Variants in PDK1 observed in about 807,000 individuals in gnomAD.
PDK1 encodes the protein pyruvate dehydrogenase kinase 1.
In PDK1, 39 loss-of-function variants were observed where a neutral mutation model predicts 54.2. The ratio of observed to expected loss-of-function variants is 0.72; its 90% CI spans 0.56 to 0.94. The LOEUF (loss-of-function observed/expected upper bound fraction) is 0.94, where lower values mean the gene tolerates loss of function less well. Ranked by LOEUF, PDK1 falls within the 40% of genes least tolerant of loss-of-function variation. PDK1 has a pLI of 0.00. For synonymous variants in PDK1, 221 were observed against 207.1 expected, an observed-to-expected ratio of 1.07 and a Z score of -0.58; for missense variants, 552 against 566.0, an observed-to-expected ratio of 0.98 and a Z score of 0.25.
chr2:172,613,016 C>G (rs925373319), downstream of PDK1, among the ~76,000 whole-genome samples: 3 of 152,180 alleles, frequency 2.0e-5, no homozygotes, highest in African/African-American at 7.2e-5. Context: ...TTTGGGTACT[C>G]TGGGAAGCAG....
At chr2:172,566,712 AGCAGACTTTC>A in intron 5 of PDK1, 134 bp from the exon 6 acceptor site, 1 of 473,074 alleles carries the variant, frequency 2.1e-6, no homozygotes. Context: ...AAAAAAAAAA[AGCAGACTTTC>A]ACCAAACTAT....
At chr2:172,614,324 C>T in the PDK1 span, among the ~76,000 whole-genome samples, 10 of 152,186 alleles carry the variant, frequency 6.6e-5, no homozygotes, top group African/African-American at 2.4e-4. Flanking sequence ...GCCAGTCCCT[C>T]CAACAGGAGT....
chr2:172,656,851 T>C, the PDK1 span, among the ~76,000 whole-genome samples: 7 of 152,138 alleles, frequency 4.6e-5, no homozygotes, highest in African/African-American at 1.7e-4. Context: ...CACCCACACA[T>C]GAGGGGAAGT....
chr2:172,584,623 A>G (rs1690105511), intron 8 of PDK1, among the ~76,000 whole-genome samples: 2 of 134,510 alleles, frequency 1.5e-5, no homozygotes, highest in African/African-American at 5.5e-5. Context: ...TGGAAGTGAC[A>G]TTGTTGTGTG....
At chr2:172,563,846 A>G (rs1208214322) in intron 3 of PDK1, among the ~76,000 whole-genome samples, 3 of 152,102 alleles carry the variant, frequency 2.0e-5, no homozygotes, top group Non-Finnish European at 4.4e-5. Flanking sequence ...AAAAAAAAAA[A>G]GACTTATTTT....
chr2:172,556,306 C>T lies in PDK1; in HGVS notation c.156C>T (p.Phe52=). The T allele has an allele frequency of 6.7e-7, 1 of 1,503,448 alleles. No homozygotes were observed. Among genetic ancestry groups the T allele is most frequent in the Non-Finnish European group, 8.8e-7 (1 of 1,133,024 alleles). 93.1% of individuals were successfully genotyped at this position (1,503,448 alleles called of 1,614,324 possible). A position where few individuals can be genotyped will look rare whatever the true frequency, so the allele number is the denominator to read the frequency against. The change falls in exon 1 of 11, where the codon TTC becomes TTT. Residue 52 remains phenylalanine, a synonymous_variant. Coordinates refer to ENST00000282077, the MANE Select transcript of PDK1 (RefSeq NM_002610.5). ...VPGQVDFYAR[F]SPSPLSMKQF... is the part of the protein sequence containing the mutation. The stretch of plus-strand genomic sequence containing the variant: ...GCCAGGTGGACTTCTACGCGCGCTT[C>T]TCGCCGTCCCCGCTCTCCATGAAGC...
the PDK1 span, among the ~76,000 whole-genome samples, chr2:172,635,838 G>A: frequency 6.6e-6 from 1 of 152,158 alleles, no homozygotes; most frequent in South Asian, 2.1e-4. Flanking sequence ...GGCTGTCACT[G>A]GTCAACCAGG....
the PDK1 span, among the ~76,000 whole-genome samples, chr2:172,631,313 G>T: frequency 6.6e-6 from 1 of 152,210 alleles, no homozygotes; most frequent in African/African-American, 2.4e-5. Flanking sequence ...TGTACTGATT[G>T]TTGTGTTGTT....
chr2:172,570,691 A>T (rs1483648794), intron 7 of PDK1, 35 bp from the exon 8 acceptor site: 2 of 1,228,442 alleles, frequency 1.6e-6, no homozygotes, highest in Non-Finnish European at 2.4e-6. Context: ...TTTTCTAAAA[A>T]GCTGTATTTT....
upstream of PDK1, chr2:172,555,451 C>G (rs924641440): frequency 2.0e-5 from 3 of 152,206 alleles, no homozygotes; most frequent in Non-Finnish European, 4.4e-5. Context: ...AGAGCCAGTA[C>G]ATGGCAGTAC....
the PDK1 span, among the ~76,000 whole-genome samples, chr2:172,716,470 A>C: frequency 6.6e-6 from 1 of 151,996 alleles, no homozygotes; most frequent in Non-Finnish European, 1.5e-5. Context: ...GATTACAGGC[A>C]CGTGCCACCA....
chr2:172,616,623 T>C, the PDK1 span, among the ~76,000 whole-genome samples: 4 of 152,206 alleles, frequency 2.6e-5, no homozygotes, highest in Non-Finnish European at 5.9e-5. Flanking sequence ...TTCATTCAAA[T>C]TGAAGGTTTT....
chr2:172,586,370 C>T lies in PDK1; in HGVS notation c.1038C>T (p.Thr346=), dbSNP rs2149276052. 1 of 1,603,840 alleles carries T rather than the reference C, an allele frequency of 6.2e-7. No individual in the cohort carries two copies. The highest frequency in any genetic ancestry group is 8.5e-7 in the Non-Finnish European group (1 of 1,170,952). The part of the protein sequence containing the change: ...YSTAPRPRVE[T]SRAVPLAGFG... ...CTGCACCAAGACCTCGTGTTGAGAC[C>T]TCCCGCGCAGTGCCTCTGGTATGTT... is the stretch of plus-strand genomic sequence containing the variant. The change falls in exon 9 of 11, where the codon ACC becomes ACT. Residue 346 remains threonine (T), a synonymous_variant. Transcript: ENST00000282077.
chr2:172,660,251 T>TC, the PDK1 span, among the ~76,000 whole-genome samples: 1 of 116,710 alleles, frequency 8.6e-6, no homozygotes, highest in Non-Finnish European at 1.8e-5. Context: ...CTCTCTCTTT[T>TC]TTTTTTTTTT....
At chr2:172,645,793 C>A in the PDK1 span, among the ~76,000 whole-genome samples, 3 of 152,120 alleles carry the variant, frequency 2.0e-5, no homozygotes, top group African/African-American at 7.2e-5. Flanking sequence ...TCTTTATTTC[C>A]CCTAGATTCA....
intron 2 of PDK1, among the ~76,000 whole-genome samples, chr2:172,560,836 T>A (rs1688618031): frequency 6.6e-6 from 1 of 152,186 alleles, no homozygotes; most frequent in Non-Finnish European, 1.5e-5. Context: ...GATTTAAAAG[T>A]GTTGTTCTTT....
At chr2:172,587,328 G>A (rs903847583) in intron 9 of PDK1, among the ~76,000 whole-genome samples, 9 of 152,060 alleles carry the variant, frequency 5.9e-5, no homozygotes, top group Admixed American at 4.6e-4. Context: ...AGACCTTCAC[G>A]GAGAGTGTTA....
upstream of PDK1, chr2:172,556,023 G>A: frequency 1.6e-6 from 1 of 632,708 alleles, no homozygotes; most frequent in Non-Finnish European, 2.4e-6. Context: ...CTCCGGCTAG[G>A]AGGGTGGGGG....
Position 172,606,717 on chromosome 2 carries a change from A to AT in PDK1, c.*10754dup, listed in dbSNP as rs1402723715. The AT allele has an allele frequency of 2.4e-5, 3 of 124,374 alleles. No homozygotes were observed. The highest frequency in any genetic ancestry group is 9.3e-5 in the African/African-American group (3 of 32,176). 7.7% of individuals were successfully genotyped at this position (124,374 alleles called of 1,614,324 possible). A position where few individuals can be genotyped will look rare whatever the true frequency, so the allele number is the denominator to read the frequency against. ...GTAGCAGAGAGAATGGTGGTAGTTTATTTTTTCTTTCCTTTTTTTTTTAAA... is the reference window on the plus strand; with the variant it reads ...GTAGCAGAGAGAATGGTGGTAGTTTATTTTTTTCTTTCCTTTTTTTTTTAAA... On this transcript the variant is annotated 3_prime_UTR_variant, in exon 11 of 11. Coordinates refer to ENST00000282077, the MANE Select transcript of PDK1 (RefSeq NM_002610.5).
Sources: allele counts gnomAD v4.1 joint callset (sites outside exome capture counted in the v4.1 genomes callset), GRCh38; gene constraint gnomAD v4.1.1; transcripts MANE v1.5; gene names NCBI Gene and HGNC (gene_info 2026-07-23, HGNC 2026-07-21).